PXMP4: variants seen among roughly 807,000 people sequenced by gnomAD.
PXMP4 encodes peroxisomal membrane protein 4, also known as 24 kDa peroxisomal intrinsic membrane protein.
In PXMP4, 16 loss-of-function variants were observed where a neutral mutation model predicts 21.6. That is an observed-to-expected ratio of 0.74 (90% CI 0.50 to 1.13). The LOEUF (loss-of-function observed/expected upper bound fraction) is 1.13. PXMP4 is among the 50% of genes most tolerant of loss of function. PXMP4 has a pLI of 0.00. For missense variants in PXMP4, 240 were observed against 277.7 expected, an observed-to-expected ratio of 0.86 and a Z score of 0.96; for synonymous variants, 127 against 123.8, an observed-to-expected ratio of 1.03 and a Z score of -0.17.
At chr20:33,714,583 G>T (rs1051432005) in intron 2 of PXMP4, 91 bp downstream of exon 2, 3 of 1,263,480 alleles carry the variant, frequency 2.4e-6, no homozygotes, top group East Asian at 4.7e-5. Context: ...AGGCGTGATG[G>T]GGGGACAGGG....
At chr20:33,712,615 A>C (rs990514136) in intron 2 of PXMP4, among the ~76,000 whole-genome samples, 2 of 151,718 alleles carry the variant, frequency 1.3e-5, no homozygotes, top group African/African-American at 4.8e-5. Context: ...ACATCCGACT[A>C]ATCTTTGTTT....
chr20:33,716,012 C>T (rs73622533), intron 1 of PXMP4, among the ~76,000 whole-genome samples: 1 of 150,454 alleles, frequency 6.6e-6, no homozygotes, highest in East Asian at 2.0e-4. Context: ...GCCTGGCTAA[C>T]TTTGTATTTT....
In PXMP4 at chr20:33,704,252, C is replaced by T. The variant is rs986125081; in HGVS notation, c.*3454G>A. ...ACTAGACAGTCCCATCAAGGCGTGA[C>T]GGGAGACAGTGACAGATCATCAGGC... On this transcript the variant is annotated 3_prime_UTR_variant, in exon 4 of 4. Coordinates refer to ENST00000409299, the MANE Select transcript of PXMP4 (RefSeq NM_007238.5). The T allele has an allele frequency of 1.3e-4, 21 of 157,816 alleles. No homozygotes were observed. Among genetic ancestry groups the T allele is most frequent in the African/African-American group, 3.1e-4 (13 of 41,644 alleles). The allele number at this position is 157,816 out of a possible 1,614,324, so 9.8% of individuals were successfully genotyped here. A position where few individuals can be genotyped will look rare whatever the true frequency, so the allele number is the denominator to read the frequency against.
Position 33,720,243 on chromosome 20 carries a change from G to GT in PXMP4, c.-37dup. The stretch of plus-strand genomic sequence containing the variant: ...GCGCGCAGGGTCGGGGTTAGGAACT[G>GT]TAAGCGCACTGACAGCCGGAGGTTC... On this transcript the variant is annotated 5_prime_UTR_variant, in exon 1 of 4. Coordinates refer to ENST00000409299, the MANE Select transcript of PXMP4 (RefSeq NM_007238.5). 6.4e-7 allele frequency: 1 copy of GT among 1,560,760 alleles called. No individual in the cohort carries two copies. Among genetic ancestry groups the GT allele is most frequent in the East Asian group, 2.4e-5 (1 of 42,184 alleles).
chr20:33,708,976 C>T (rs1309601452), intron 3 of PXMP4, among the ~76,000 whole-genome samples: 1 of 152,104 alleles, frequency 6.6e-6, no homozygotes, highest in Non-Finnish European at 1.5e-5. Context: ...GAGAGGCTGC[C>T]AACTTTTCAG....
In PXMP4 at chr20:33,707,622, C is replaced by T. The variant is rs772378372; in HGVS notation, c.*84G>A. ...GATAACACCAGTTGGAGTCTGAGGCCTATGATCTTGAGAAGGCAGTATCCT... is the reference window on the plus strand; with the variant it reads ...GATAACACCAGTTGGAGTCTGAGGCTTATGATCTTGAGAAGGCAGTATCCT... On this transcript the variant is annotated 3_prime_UTR_variant, in exon 4 of 4. Coordinates refer to ENST00000409299, the MANE Select transcript of PXMP4 (RefSeq NM_007238.5). 3 of 1,523,076 alleles carry T rather than the reference C, an allele frequency of 2.0e-6. No individual in the cohort carries two copies. The highest frequency in any genetic ancestry group is 2.7e-6 in the Non-Finnish European group (3 of 1,121,810). 94.3% of individuals were successfully genotyped at this position (1,523,076 alleles called of 1,614,324 possible). A position where few individuals can be genotyped will look rare whatever the true frequency, so the allele number is the denominator to read the frequency against.
At chr20:33,711,868 G>C (rs562816349) in intron 2 of PXMP4, among the ~76,000 whole-genome samples, 14 of 151,770 alleles carry the variant, frequency 9.2e-5, no homozygotes, top group Non-Finnish European at 1.6e-4. Flanking sequence ...TGGCACACGC[G>C]TGTAGTTCCT....
At chr20:33,714,832 A>G (rs956111527) in intron 1 of PXMP4, 96 bp from the exon 2 acceptor site, 11 of 1,167,256 alleles carry the variant, frequency 9.4e-6, no homozygotes, top group Non-Finnish European at 2.6e-6. Context: ...CCCCCATCCC[A>G]AATTCTAACA....
At chr20:33,708,092 ATTTT>A in intron 3 of PXMP4, 123 bp from the exon 4 acceptor site, 1 of 1,136,030 alleles carries the variant, frequency 8.8e-7, no homozygotes, top group Non-Finnish European at 1.2e-6. Context: ...GGGTTTATTT[ATTTT>A]AATTATCTCT....
At chr20:33,718,863 A>G (rs191734571) in intron 1 of PXMP4, among the ~76,000 whole-genome samples, 22 of 152,348 alleles carry the variant, frequency 1.4e-4, no homozygotes, top group Admixed American at 3.3e-4. Context: ...TACACCAAGG[A>G]ACAAAATAGA....
rs1402418485 is a variant in PXMP4 at position 33,706,306 on chromosome 20, T to C, written c.*1400A>G. The C allele has an allele frequency of 6.6e-6, 1 of 151,692 alleles. No individual in the cohort carries two copies. Among genetic ancestry groups the C allele is most frequent in the African/African-American group, 2.4e-5 (1 of 41,306 alleles). 9.4% of individuals were successfully genotyped at this position (151,692 alleles called of 1,614,324 possible). A position where few individuals can be genotyped will look rare whatever the true frequency, so the allele number is the denominator to read the frequency against. On this transcript the variant is annotated 3_prime_UTR_variant, in exon 4 of 4. Coordinates refer to ENST00000409299, the MANE Select transcript of PXMP4 (RefSeq NM_007238.5). ...CACTGTATGGTTTAAAAATAATATG[T>C]GCAGGCTAGGGGCAGTGGCTCATGC...
intron 1 of PXMP4, 106 bp from the exon 2 acceptor site, chr20:33,714,842 A>T: frequency 9.1e-7 from 1 of 1,103,712 alleles, no homozygotes; most frequent in Non-Finnish European, 1.4e-6. Context: ...AAATTCTAAC[A>T]CCACTTTGGG....
intron 2 of PXMP4, 85 bp downstream of exon 2, chr20:33,714,589 C>G (rs1208433110): frequency 3.8e-6 from 5 of 1,325,308 alleles, no homozygotes; most frequent in Non-Finnish European, 5.4e-6. Flanking sequence ...GATGGGGGGA[C>G]AGGGTAGACC....
At chr20:33,716,472 C>A (rs1376792709) in intron 1 of PXMP4, among the ~76,000 whole-genome samples, 1 of 152,222 alleles carries the variant, frequency 6.6e-6, no homozygotes, top group East Asian at 1.9e-4. Context: ...TCTGCAAAGG[C>A]CTCCTGATGC....
Position 33,705,842 on chromosome 20 carries a change from T to C in PXMP4, c.*1864A>G, listed in dbSNP as rs2018251830. 6.6e-6 allele frequency: 1 copy of C among 151,902 alleles called. No homozygotes were observed. Among genetic ancestry groups the C allele is most frequent in the African/African-American group, 2.4e-5 (1 of 41,352 alleles). 9.4% of individuals were successfully genotyped at this position (151,902 alleles called of 1,614,324 possible). A position where few individuals can be genotyped will look rare whatever the true frequency, so the allele number is the denominator to read the frequency against. On this transcript the variant is annotated 3_prime_UTR_variant, in exon 4 of 4. Transcript: ENST00000409299. Reference sequence around the variant, plus strand: ...GGCTTTGAAATCAGACGAATCTGAGTTCAAATCTTGATTCGGCTGTTATAC... The same window carrying C: ...GGCTTTGAAATCAGACGAATCTGAGCTCAAATCTTGATTCGGCTGTTATAC...
At chr20:33,715,253 G>C (rs964252283) in intron 1 of PXMP4, among the ~76,000 whole-genome samples, 1 of 152,150 alleles carries the variant, frequency 6.6e-6, no homozygotes, top group African/African-American at 2.4e-5. Flanking sequence ...CAATTCTCCT[G>C]TCTCAGCCTC....
chr20:33,714,140 C>G (rs2018359971), intron 2 of PXMP4, among the ~76,000 whole-genome samples: 1 of 152,216 alleles, frequency 6.6e-6, no homozygotes, highest in Non-Finnish European at 1.5e-5. Flanking sequence ...CAACGGGGGT[C>G]AGCTGAGGCC....
At chr20:33,709,166 C>T (rs571681175) in intron 3 of PXMP4, among the ~76,000 whole-genome samples, 50 of 152,160 alleles carry the variant, frequency 3.3e-4, no homozygotes, top group Middle Eastern at 3.4e-3. Flanking sequence ...TGGTGGCAGG[C>T]GCTTGTAGTC....
At chr20:33,712,133 C>T (rs1483173849) in intron 2 of PXMP4, among the ~76,000 whole-genome samples, 1 of 152,166 alleles carries the variant, frequency 6.6e-6, no homozygotes, top group Non-Finnish European at 1.5e-5. Flanking sequence ...GGGAAATCTT[C>T]CAGGTGACTG....
Sources: gnomAD v4.1 joint callset for allele counts (sites outside exome capture counted in the v4.1 genomes callset) on GRCh38, gnomAD v4.1.1 for gene constraint, MANE v1.5 for transcripts, NCBI Gene and HGNC (gene_info 2026-07-23, HGNC 2026-07-21) for gene names.